NUAK1: variants seen among roughly 807,000 people sequenced by gnomAD.
The protein encoded by NUAK1 is NUAK family kinase 1.
In NUAK1, 26 loss-of-function variants were observed where a neutral mutation model predicts 56.9. That is an observed-to-expected ratio of 0.46 (90% CI 0.33 to 0.63). NUAK1 has a LOEUF of 0.63. NUAK1 is among the 30% of genes least tolerant of loss of function. NUAK1 has a pLI of 0.02. For synonymous variants in NUAK1, 337 were observed against 336.0 expected, an observed-to-expected ratio of 1.00 and a Z score of -0.03; for missense variants, 727 against 876.1, an observed-to-expected ratio of 0.83 and a Z score of 2.15.
chr12:106,136,092 T>C (rs2033126951), intron 1 of NUAK1, among the ~76,000 whole-genome samples: 1 of 152,218 alleles, frequency 6.6e-6, no homozygotes, highest in African/African-American at 2.4e-5. Flanking sequence ...ATCTGTTTTA[T>C]GCAAGGTTTT....
At chr12:106,087,667 C>T (rs1371062747) in intron 2 of NUAK1, among the ~76,000 whole-genome samples, 2 of 152,220 alleles carry the variant, frequency 1.3e-5, no homozygotes, top group African/African-American at 4.8e-5. Flanking sequence ...GTTTTAAGTA[C>T]CTCACATGTA....
chr12:106,074,440 C>T (rs918443658), intron 4 of NUAK1, among the ~76,000 whole-genome samples: 45 of 152,116 alleles, frequency 3.0e-4, no homozygotes, highest in African/African-American at 1.1e-3. Flanking sequence ...TTTTGAAAAA[C>T]TCATTTAACA....
intron 1 of NUAK1, among the ~76,000 whole-genome samples, chr12:106,122,847 G>T (rs1341090220): frequency 6.6e-6 from 1 of 152,192 alleles, no homozygotes; most frequent in Non-Finnish European, 1.5e-5. Context: ...TATTTTAACA[G>T]GTGCACCTAG....
chr12:106,110,871 A>G (rs1416811383), intron 1 of NUAK1, among the ~76,000 whole-genome samples: 1 of 152,174 alleles, frequency 6.6e-6, no homozygotes, highest in Non-Finnish European at 1.5e-5. Context: ...AGCCCAGCCA[A>G]TTCTGTTACA....
rs955875526 is a variant in NUAK1 at position 106,086,979 on chromosome 12, G to A, written c.362-94C>T. ...TGCGAGAGAGGACAACGGAGATGTC[G>A]CCAGGCAGAGGATCGACTGATGGGT... On this transcript the variant is annotated intron_variant, in intron 2 of 6. Transcript: ENST00000261402. The A allele has an allele frequency of 1.5e-4, 221 of 1,477,490 alleles. 2 individuals are homozygous for A. In the South Asian group the frequency reaches 2.4e-3, roughly 16 times the overall value. The allele number at this position is 1,477,490 out of a possible 1,614,324, so 91.5% of individuals were successfully genotyped here.
chr12:106,124,042 G>A (rs371165398), intron 1 of NUAK1, among the ~76,000 whole-genome samples: 3 of 152,114 alleles, frequency 2.0e-5, no homozygotes, highest in East Asian at 1.9e-4. Context: ...CAAAATATTC[G>A]TTATAATTTT....
At chr12:106,089,953 T>A (rs1433851227) in intron 2 of NUAK1, among the ~76,000 whole-genome samples, 2 of 152,178 alleles carry the variant, frequency 1.3e-5, no homozygotes, top group Non-Finnish European at 2.9e-5. Context: ...GGAGTACTCA[T>A]TCTGCAAGCT....
chr12:106,090,398 C>T (rs199720677), intron 2 of NUAK1, among the ~76,000 whole-genome samples: 2 of 152,242 alleles, frequency 1.3e-5, no homozygotes, highest in East Asian at 1.9e-4. Context: ...TTCTTGAAGC[C>T]TTTCTTAATA....
intron 1 of NUAK1, among the ~76,000 whole-genome samples, chr12:106,128,250 G>A (rs1396305519): frequency 1.3e-5 from 2 of 151,252 alleles, no homozygotes; most frequent in Non-Finnish European, 1.5e-5. Context: ...TCCTGCCTCA[G>A]CCTACTGAGT....
chr12:106,084,963 A>C (rs887583106), intron 3 of NUAK1, among the ~76,000 whole-genome samples: 1 of 152,218 alleles, frequency 6.6e-6, no homozygotes, highest in Non-Finnish European at 1.5e-5. Flanking sequence ...TCATTTGACC[A>C]TTCTTAATAT....
chr12:106,090,317 G>C (rs376175851), intron 2 of NUAK1, among the ~76,000 whole-genome samples: 68 of 152,230 alleles, frequency 4.5e-4, no homozygotes, highest in African/African-American at 1.6e-3. Context: ...AATTAATTGA[G>C]AGCAAAGAAG....
chr12:106,071,224 T>C (rs1213112394), intron 5 of NUAK1, among the ~76,000 whole-genome samples: 1 of 152,210 alleles, frequency 6.6e-6, no homozygotes, highest in South Asian at 2.1e-4. Context: ...TTCAGCCCCA[T>C]TTAAAAGATG....
At chr12:106,126,352 C>T (rs1179620185) in intron 1 of NUAK1, among the ~76,000 whole-genome samples, 2 of 152,200 alleles carry the variant, frequency 1.3e-5, no homozygotes, top group African/African-American at 4.8e-5. Context: ...GAAGGGAACA[C>T]CTGCCACAAG....
chr12:106,075,286 A>AC (rs2032448981), intron 4 of NUAK1, among the ~76,000 whole-genome samples: 1 of 134,008 alleles, frequency 7.5e-6, no homozygotes, highest in East Asian at 2.4e-4. Context: ...AGTATTAATC[A>AC]ACACACACAC....
chr12:106,072,641 G>C (rs1164667249), intron 5 of NUAK1, 83 bp downstream of exon 5: 1 of 1,424,946 alleles, frequency 7.0e-7, no homozygotes, highest in Non-Finnish European at 9.6e-7. Flanking sequence ...GTTTTTTTAA[G>C]CATTTCTCGA....
chr12:106,066,903 G>C lies in NUAK1; in HGVS notation c.1885C>G (p.Arg629Gly). The C allele has an allele frequency of 6.2e-7, 1 of 1,614,240 alleles. No homozygotes were observed. The highest frequency in any genetic ancestry group is 8.5e-7 in the Non-Finnish European group (1 of 1,180,038). ...RPRPQYLKRY[R>G]NRLADSSFSL... ...AAGCTGCTGTCTGCCAGCCGGTTCC[G>C]GTACCGCTTCAGGTACTGGGGCCGG... Residue 629 changes from arginine to glycine, a missense_variant, in exon 7 of 7, where the codon CGG becomes GGG. Physicochemically the swap from Arg to Gly is moderately radical, Grantham distance 125 (BLOSUM62 -2). Transcript: ENST00000261402.
At chr12:106,074,298 A>C (rs955188520) in intron 4 of NUAK1, among the ~76,000 whole-genome samples, 1 of 152,256 alleles carries the variant, frequency 6.6e-6, no homozygotes, top group African/African-American at 2.4e-5. Context: ...TCCAATTATC[A>C]GGTACTGCTC....
At chr12:106,085,200 T>C (rs975813072) in intron 3 of NUAK1, among the ~76,000 whole-genome samples, 1 of 152,234 alleles carries the variant, frequency 6.6e-6, no homozygotes, top group Non-Finnish European at 1.5e-5. Flanking sequence ...GGAATGAGTC[T>C]AATAAAGCCT....
intron 4 of NUAK1, among the ~76,000 whole-genome samples, chr12:106,082,913 G>A (rs970492690): frequency 2.6e-5 from 4 of 152,126 alleles, no homozygotes; most frequent in South Asian, 4.1e-4. Context: ...CGTCACCAGC[G>A]GCCAATTGGA....
Sources: allele counts gnomAD v4.1 joint callset (sites outside exome capture counted in the v4.1 genomes callset), GRCh38; gene constraint gnomAD v4.1.1; transcripts MANE v1.5; gene names NCBI Gene and HGNC (gene_info 2026-07-23, HGNC 2026-07-21).